Variants in FLVCR2 observed in about 807,000 individuals in gnomAD.
The protein encoded by FLVCR2 is choline/ethanolamine transporter FLVCR2.
In FLVCR2, 38 loss-of-function variants were observed where a neutral mutation model predicts 48.9. The ratio of observed to expected loss-of-function variants is 0.78; its 90% confidence interval spans 0.60 to 1.02. FLVCR2 has a LOEUF of 1.02. Ranked by LOEUF, FLVCR2 falls within the 50% of genes least tolerant of loss-of-function variation. FLVCR2 has a pLI of 0.00. For missense variants in FLVCR2, 664 were observed against 663.3 expected, an observed-to-expected ratio of 1.00 and a Z score of -0.01; for synonymous variants, 255 against 257.0, an observed-to-expected ratio of 0.99 and a Z score of 0.07.
chr14:75,624,591 T>C, intron 2 of FLVCR2, 21 bp from the exon 3 acceptor site: 1 of 1,614,040 alleles, frequency 6.2e-7, no homozygotes, highest in African/African-American at 1.3e-5. Flanking sequence ...TTTTCAGCCA[T>C]CTCTGTTTTT....
chr14:75,624,466 T>C, intron 2 of FLVCR2, 146 bp from the exon 3 acceptor site: 2 of 875,114 alleles, frequency 2.3e-6, no homozygotes, highest in South Asian at 1.4e-5. Flanking sequence ...AGAAGGGGGC[T>C]GTTAAGGGTT....
At chr14:75,635,605 C>A (rs563378530) in intron 5 of FLVCR2, among the ~76,000 whole-genome samples, 1 of 152,206 alleles carries the variant, frequency 6.6e-6, no homozygotes, top group Non-Finnish European at 1.5e-5. Context: ...TGACTCACAT[C>A]TGTAATCCCA....
In FLVCR2 at chr14:75,579,515, G is replaced by C. The variant is rs2287016; in HGVS notation, c.543G>C (p.Val181=). 335 of 1,612,638 alleles carry C rather than the reference G, an allele frequency of 2.1e-4. No homozygotes were observed. Among genetic ancestry groups the C allele is most frequent in the Non-Finnish European group, 2.7e-4 (319 of 1,179,204 alleles). ...AGCCGCATCTCTTTCCGGTCACCGT[G>C]GTGGGCCAGCTCATCTGCTCTGTGG... ...SLKPHLFPVT[V]VGQLICSVAQ... is the part of the protein sequence containing the mutation. The change falls in exon 1 of 10, where the codon GTG becomes GTC. Residue 181 remains valine, a synonymous_variant. Coordinates refer to ENST00000238667, the MANE Select transcript of FLVCR2 (RefSeq NM_017791.3).
chr14:75,642,704 T>A (rs537181606), intron 9 of FLVCR2, among the ~76,000 whole-genome samples: 2 of 152,366 alleles, frequency 1.3e-5, no homozygotes, highest in Non-Finnish European at 2.9e-5. Context: ...CATTTAGAGA[T>A]GAGATGCCTT....
Position 75,640,784 on chromosome 14 carries a change from C to T in FLVCR2, c.1236-171C>T, listed in dbSNP as rs1288088574. 2.3e-5 allele frequency: 15 copies of T among 663,162 alleles called. No individual in the cohort carries two copies. In the South Asian group the frequency reaches 2.5e-4, roughly 11 times the overall value. The allele number at this position is 663,162 out of a possible 1,614,324, so 41.1% of individuals were successfully genotyped here. A position where few individuals can be genotyped will look rare whatever the true frequency, so the allele number is the denominator to read the frequency against. ...AACTTCTTCCTGGCCTTCAGGGGTG[C>T]CCGTCTCCTTGGTATGATCACATAG... On this transcript the variant is annotated intron_variant, in intron 6 of 9. Transcript: ENST00000238667.
At chr14:75,630,301 A>C (rs752855183) in intron 3 of FLVCR2, among the ~76,000 whole-genome samples, 2 of 152,150 alleles carry the variant, frequency 1.3e-5, no homozygotes, top group Non-Finnish European at 1.5e-5. Flanking sequence ...TTCCCATCCC[A>C]GCTGCCTCCA....
At position 75,647,200 on chromosome 14, in the gene FLVCR2, G is replaced by C. The variant is rs564783457; in HGVS notation, c.*728G>C. The C allele has an allele frequency of 6.6e-6, 1 of 152,552 alleles. No individual in the cohort carries two copies. The highest frequency in any genetic ancestry group is 2.1e-4 in the South Asian group (1 of 4,830). 9.4% of individuals were successfully genotyped at this position (152,552 alleles called of 1,614,324 possible). A position where few individuals can be genotyped will look rare whatever the true frequency, so the allele number is the denominator to read the frequency against. ...TGGGGGCTACCTTCTGAGTATATTT[G>C]TGAAAGCACATATTTGGGAACTCTG... On this transcript the variant is annotated 3_prime_UTR_variant, in exon 10 of 10. Coordinates refer to ENST00000238667, the MANE Select transcript of FLVCR2 (RefSeq NM_017791.3).
chr14:75,583,046 C>A (rs1888651014), intron 1 of FLVCR2, among the ~76,000 whole-genome samples: 1 of 152,082 alleles, frequency 6.6e-6, no homozygotes, highest in African/African-American at 2.4e-5. Flanking sequence ...GGCAGTACAG[C>A]CCAGATAAGT....
chr14:75,611,878 A>C (rs2140027818), intron 1 of FLVCR2, among the ~76,000 whole-genome samples: 1 of 152,336 alleles, frequency 6.6e-6, no homozygotes, highest in South Asian at 2.1e-4. Flanking sequence ...AACACATAGC[A>C]GACACTCAGT....
intron 3 of FLVCR2, chr14:75,631,950 C>G (rs1451446061): frequency 4.7e-6 from 2 of 424,254 alleles, no homozygotes; most frequent in Non-Finnish European, 9.5e-6. Flanking sequence ...GGTTGGTTGG[C>G]CCACTGTGGC....
At chr14:75,624,372 A>G (rs1370466625) in intron 2 of FLVCR2, among the ~76,000 whole-genome samples, 1 of 152,224 alleles carries the variant, frequency 6.6e-6, no homozygotes, top group Non-Finnish European at 1.5e-5. Context: ...AAAGAAAAAA[A>G]AAAAGAAAAT....
At chr14:75,615,554 G>A (rs763500463) in intron 1 of FLVCR2, among the ~76,000 whole-genome samples, 9 of 152,062 alleles carry the variant, frequency 5.9e-5, no homozygotes, top group Non-Finnish European at 1.3e-4. Context: ...TTGTGGATTA[G>A]GAAACACACA....
chr14:75,598,143 C>T (rs1360860276), intron 1 of FLVCR2, among the ~76,000 whole-genome samples: 1 of 152,116 alleles, frequency 6.6e-6, no homozygotes, highest in Non-Finnish European at 1.5e-5. Context: ...CTGCACCCAG[C>T]TGGTCAGGGT....
intron 1 of FLVCR2, among the ~76,000 whole-genome samples, chr14:75,594,993 C>T (rs1888982875): frequency 6.6e-6 from 1 of 152,148 alleles, no homozygotes. Flanking sequence ...GCTGGGTTTA[C>T]AAGCATGAGC....
chr14:75,601,450 G>T (rs552620744), intron 1 of FLVCR2, among the ~76,000 whole-genome samples: 2 of 152,146 alleles, frequency 1.3e-5, no homozygotes, highest in Non-Finnish European at 2.9e-5. Context: ...ACCTAAAAAG[G>T]TGCTCAACAT....
At chr14:75,602,567 C>T (rs528328563) in intron 1 of FLVCR2, among the ~76,000 whole-genome samples, 1 of 152,304 alleles carries the variant, frequency 6.6e-6, no homozygotes, top group South Asian at 2.1e-4. Context: ...ATTTTTGTAG[C>T]TCTGTACCAA....
At chr14:75,622,794 G>A (rs2140038140) in intron 2 of FLVCR2, among the ~76,000 whole-genome samples, 2 of 150,742 alleles carry the variant, frequency 1.3e-5, no homozygotes, top group Admixed American at 6.6e-5. Flanking sequence ...TAACCTGACA[G>A]TACTTGGGGA....
intron 1 of FLVCR2, among the ~76,000 whole-genome samples, chr14:75,596,590 T>A (rs1436568905): frequency 6.6e-6 from 1 of 152,300 alleles, no homozygotes; most frequent in South Asian, 2.1e-4. Flanking sequence ...GATTTTTATG[T>A]GAAATCTGTA....
chr14:75,635,912 G>A (rs944217276), intron 5 of FLVCR2, among the ~76,000 whole-genome samples: 1 of 152,154 alleles, frequency 6.6e-6, no homozygotes, highest in Non-Finnish European at 1.5e-5. Flanking sequence ...AAAGGTTTTA[G>A]TGAATGCCAG....
Sources: gnomAD v4.1 joint callset for allele counts (sites outside exome capture counted in the v4.1 genomes callset) on GRCh38, gnomAD v4.1.1 for gene constraint, MANE v1.5 for transcripts, NCBI Gene and HGNC (gene_info 2026-07-23, HGNC 2026-07-21) for gene names.